Variants in ESCO1 observed in about 807,000 individuals in gnomAD.
The protein encoded by ESCO1 is N-acetyltransferase ESCO1.
In ESCO1, 33 loss-of-function variants were observed where a neutral mutation model predicts 83.5. That is an observed-to-expected ratio of 0.40 (90% CI 0.30 to 0.53). The LOEUF (loss-of-function observed/expected upper bound fraction) is 0.53. Ranked by LOEUF, ESCO1 falls within the 20% of genes least tolerant of loss-of-function variation. The probability of loss-of-function intolerance (pLI) is 0.63; values close to 1 mark genes in which losing one functional copy is unlikely to be tolerated. For missense variants in ESCO1, 855 were observed against 968.0 expected (o/e 0.88, Z 1.55); for synonymous variants, 332 against 324.3 (o/e 1.02, Z -0.25).
chr18:21,581,378 A>G (rs1324845344), intron 2 of ESCO1, among the ~76,000 whole-genome samples: 1 of 152,054 alleles, frequency 6.6e-6, no homozygotes, highest in African/African-American at 2.4e-5. Context: ...CTTAGCTGTA[A>G]TATTTAACAG....
intron 8 of ESCO1, among the ~76,000 whole-genome samples, chr18:21,547,607 T>G (rs1366137870): frequency 6.6e-6 from 1 of 152,156 alleles, no homozygotes; most frequent in Non-Finnish European, 1.5e-5. Flanking sequence ...TTTATTATAC[T>G]TCAATGTTTC....
Position 21,570,705 on chromosome 18 carries a change from G to A in ESCO1, c.1530+2609C>T, listed in dbSNP as rs1277639554. ...AAAGAGTTGCAGTCTTCGGCCAGGCGTGGTGGCTCACACCTGTAATCCCAG... is the reference window on the plus strand; with the variant it reads ...AAAGAGTTGCAGTCTTCGGCCAGGCATGGTGGCTCACACCTGTAATCCCAG... On this transcript the variant is annotated intron_variant, in intron 4 of 11. Transcript: ENST00000269214. Among the ~76,000 whole-genome samples the A allele has an allele frequency of 3.3e-5, 5 of 151,938 alleles. No individual in the cohort carries two copies. In the East Asian group the frequency reaches 5.8e-4, roughly 18 times the overall value.
At chr18:21,572,405 A>G (rs1250529444) in intron 4 of ESCO1, among the ~76,000 whole-genome samples, 1 of 152,224 alleles carries the variant, frequency 6.6e-6, no homozygotes, top group African/African-American at 2.4e-5. Context: ...ATTTAAAACT[A>G]CTTTCTTAGG....
intron 10 of ESCO1, among the ~76,000 whole-genome samples, chr18:21,535,730 C>T (rs1157618121): frequency 6.6e-6 from 1 of 152,162 alleles, no homozygotes; most frequent in Non-Finnish European, 1.5e-5. Context: ...GTTGGCAAGG[C>T]TGGTCTCAAA....
chr18:21,579,386 C>T (rs1476187264), intron 2 of ESCO1, among the ~76,000 whole-genome samples: 1 of 148,904 alleles, frequency 6.7e-6, no homozygotes, highest in Non-Finnish European at 1.5e-5. Flanking sequence ...GACATGAGCT[C>T]AGGAGTCTGA....
chr18:21,532,391 A>T, intron 11 of ESCO1, 82 bp downstream of exon 11: 1 of 1,414,644 alleles, frequency 7.1e-7, no homozygotes, highest in Non-Finnish European at 9.6e-7. Context: ...TACGCATGTT[A>T]ATTAAATGCC....
At chr18:21,539,728 G>T (rs1194683303) in intron 9 of ESCO1, among the ~76,000 whole-genome samples, 192 bp downstream of exon 9, 1 of 151,996 alleles carries the variant, frequency 6.6e-6, no homozygotes, top group African/African-American at 2.4e-5. Context: ...CACATCTGTA[G>T]TCCCACCTAC....
At chr18:21,551,237 G>A (rs1013309449) in intron 8 of ESCO1, among the ~76,000 whole-genome samples, 6 of 152,034 alleles carry the variant, frequency 3.9e-5, no homozygotes, top group Non-Finnish European at 7.4e-5. Flanking sequence ...TTGGGAGGCC[G>A]AGGCGGACAG....
rs748195607 is a variant in ESCO1, at chr18:21,564,262, T to C, written c.1762A>G (p.Ile588Val). The change falls in exon 7 of 12, where the codon ATT becomes GTT. Residue 588 changes from isoleucine to valine, a missense_variant. By Grantham distance (29) the Ile-to-Val change is conservative (BLOSUM62 3). This residue lies in a region of ESCO1 where 726 missense variants were observed against 699.5 expected (regional missense o/e 1.04). Coordinates refer to ENST00000269214, the MANE Select transcript of ESCO1 (RefSeq NM_052911.3). ...TCTTTTAGTTTCAAGTCCTTTGGAA[T>C]TGTTATCTCCAAATGGGAATTACAC... ...PKCNSHLEIT[I>V]PKDLKLKEAE... The C allele has an allele frequency of 6.8e-6, 11 of 1,612,408 alleles. No individual in the cohort carries two copies. The African/African-American group carries it at 8.0e-5, about 12-fold the overall frequency.
At chr18:21,582,036 C>T (rs568098287) in intron 2 of ESCO1, among the ~76,000 whole-genome samples, 4 of 151,834 alleles carry the variant, frequency 2.6e-5, no homozygotes, top group South Asian at 2.1e-4. Context: ...TTCAGTGAGC[C>T]GTGATTATGC....
intron 2 of ESCO1, among the ~76,000 whole-genome samples, chr18:21,582,916 C>T (rs1365034352): frequency 1.3e-5 from 2 of 152,228 alleles, no homozygotes; most frequent in South Asian, 4.1e-4. Context: ...TCACGCCTGG[C>T]GTGATGGCTC....
chr18:21,585,526 T>C (rs1260209732), intron 1 of ESCO1, among the ~76,000 whole-genome samples: 2 of 152,332 alleles, frequency 1.3e-5, no homozygotes, highest in African/African-American at 4.8e-5. Flanking sequence ...TTCTATCCCA[T>C]TGGTCTTTAT....
chr18:21,531,220 T>C (rs1007305086), intron 11 of ESCO1, among the ~76,000 whole-genome samples: 12 of 151,942 alleles, frequency 7.9e-5, no homozygotes, highest in Admixed American at 5.2e-4. Flanking sequence ...GGTGAGAGGA[T>C]TGCTTAAGCC....
chr18:21,599,940 T>C (rs903602829), intron 1 of ESCO1, among the ~76,000 whole-genome samples: 3 of 152,228 alleles, frequency 2.0e-5, no homozygotes, highest in African/African-American at 7.2e-5. Flanking sequence ...TCTCCATCGC[T>C]ATAAACTTCA....
chr18:21,598,355 A>T (rs2038793926), intron 1 of ESCO1, among the ~76,000 whole-genome samples: 2 of 152,218 alleles, frequency 1.3e-5, no homozygotes, highest in African/African-American at 4.8e-5. Context: ...TTATTCTGTG[A>T]AGCATAATTT....
chr18:21,571,918 C>T (rs1271047223), intron 4 of ESCO1, among the ~76,000 whole-genome samples: 1 of 152,112 alleles, frequency 6.6e-6, no homozygotes, highest in Non-Finnish European at 1.5e-5. Context: ...TCTGAGAGTA[C>T]AATATGGTGT....
chr18:21,589,550 AC>A (rs1373050406), intron 1 of ESCO1, among the ~76,000 whole-genome samples: 2 of 152,238 alleles, frequency 1.3e-5, no homozygotes, highest in Non-Finnish European at 2.9e-5. Context: ...AACCCCGTAT[AC>A]CTCTCAATCC....
chr18:21,599,623 T>C (rs1358011298), intron 1 of ESCO1, among the ~76,000 whole-genome samples: 1 of 152,158 alleles, frequency 6.6e-6, no homozygotes, highest in East Asian at 1.9e-4. Context: ...GCGATTCCTG[T>C]TTAAAGGAAT....
intron 1 of ESCO1, among the ~76,000 whole-genome samples, chr18:21,594,793 A>G (rs1177180689): frequency 6.6e-6 from 1 of 152,196 alleles, no homozygotes; most frequent in East Asian, 1.9e-4. Context: ...ACAAACTTTC[A>G]AACACTAGTT....
Sources: gnomAD v4.1 joint callset for allele counts (sites outside exome capture counted in the v4.1 genomes callset) on GRCh38, gnomAD v4.1.1 for gene constraint, gnomAD v4.1.1 regional missense constraint, MANE v1.5 for transcripts, NCBI Gene and HGNC (gene_info 2026-07-23, HGNC 2026-07-21) for gene names.